ABCA6: variants seen among roughly 807,000 people sequenced by gnomAD.
The protein encoded by ABCA6 is ATP-binding cassette sub-family A member 6.
Under a neutral mutation model 191.2 loss-of-function variants are expected in ABCA6, and 164 were observed. The observed-to-expected ratio is 0.86, with a 90% CI of 0.76 to 0.98. The LOEUF (loss-of-function observed/expected upper bound fraction) is 0.98. ABCA6 is among the 50% of genes least tolerant of loss of function. The pLI is 0.00. For synonymous variants in ABCA6, 636 were observed against 647.7 expected, an observed-to-expected ratio of 0.98 and a Z score of 0.27; for missense variants, 1,958 against 1,894.1, an observed-to-expected ratio of 1.03 and a Z score of -0.63.
At chr17:69,088,517 C>G (rs1400366824) in intron 27 of ABCA6, among the ~76,000 whole-genome samples, 1 of 152,100 alleles carries the variant, frequency 6.6e-6, no homozygotes, top group Non-Finnish European at 1.5e-5. Flanking sequence ...TATTTCTCAC[C>G]CCTACTCATG....
rs1474329189 is a variant in ABCA6, at chr17:69,140,745, C to A, written c.-42G>T. Reference sequence around the variant, plus strand: ...AGGAGAAAGTAATCATGGTGGAACACAACCTAGAAAAAAATAAGTGTAATA... The same window carrying A: ...AGGAGAAAGTAATCATGGTGGAACAAAACCTAGAAAAAAATAAGTGTAATA... On this transcript the variant is annotated 5_prime_UTR_variant, in exon 2 of 39. Coordinates refer to ENST00000284425, the MANE Select transcript of ABCA6 (RefSeq NM_080284.3). The A allele has an allele frequency of 2.2e-6, 3 of 1,352,832 alleles. No individual in the cohort carries two copies. Among genetic ancestry groups the A allele is most frequent in the Admixed American group, 2.5e-5 (1 of 40,252 alleles). 83.8% of individuals were successfully genotyped at this position (1,352,832 alleles called of 1,614,324 possible).
At chr17:69,123,659 A>G (rs2073693904) in intron 9 of ABCA6, among the ~76,000 whole-genome samples, 1 of 151,990 alleles carries the variant, frequency 6.6e-6, no homozygotes, top group Non-Finnish European at 1.5e-5. Flanking sequence ...AATGTGATCA[A>G]AAAAAAGAAA....
At chr17:69,101,071 T>C (rs1468514) in intron 21 of ABCA6, 137 bp from the exon 22 acceptor site, 585,690 of 660,438 alleles carry the variant, frequency 0.89, 265,829 homozygotes, top group Non-Finnish European at 0.94. Context: ...TTCTGAGCTT[T>C]ACCTTCCTCA....
At chr17:69,140,471 T>C in intron 2 of ABCA6, 137 bp downstream of exon 2, 1 of 436,594 alleles carries the variant, frequency 2.3e-6, no homozygotes, top group South Asian at 8.0e-5. Flanking sequence ...GTCTCTCAAT[T>C]CAACAAATAC....
Position 69,137,379 on chromosome 17 carries a change from G to A in ABCA6, c.218C>T (p.Ser73Phe). Residue 73 changes from serine to phenylalanine, a missense_variant, in exon 3 of 39, where the codon TCT (serine) becomes TTT (phenylalanine). By Grantham distance (155) the Ser-to-Phe change is radical. Transcript: ENST00000284425. Reference protein sequence around the residue: ...NLGRVDKFNSSSLMVVYTPIS... With the variant: ...NLGRVDKFNSFSLMVVYTPIS... ...TGGTGTATACACAACCATTAAAGAA[G>A]AGCTATTAAATTTATCTACCCTTCC... The A allele has an allele frequency of 1.9e-6, 3 of 1,613,574 alleles. No individual in the cohort carries two copies. Among genetic ancestry groups the A allele is most frequent in the South Asian group, 1.1e-5 (1 of 91,072 alleles).
chr17:69,124,891 G>T lies in ABCA6; in HGVS notation c.1264C>A (p.Pro422Thr). The T allele has an allele frequency of 6.4e-7, 1 of 1,554,700 alleles. No individual in the cohort carries two copies. Among genetic ancestry groups the T allele is most frequent in the Non-Finnish European group, 8.7e-7 (1 of 1,151,334 alleles). The change falls in exon 9 of 39, where the codon CCC becomes ACC. Residue 422 changes from proline to threonine, a missense_variant. Physicochemically the swap from Pro to Thr is conservative, Grantham distance 38 (BLOSUM62 -1). Coordinates refer to ENST00000284425, the MANE Select transcript of ABCA6 (RefSeq NM_080284.3). ...AGAAAAACTCACTATTACTTACAGG[G>T]TAAAATTTTGTCAAAGTATAATGCC... ...LLALYFDKIL[P>T]YGDERHYSPL...
At chr17:69,109,757 G>T in intron 17 of ABCA6, 1 of 152,230 alleles carries the variant, frequency 6.6e-6, no homozygotes. Flanking sequence ...TCACTTAGTA[G>T]CCCTCTGGGA....
chr17:69,095,827 C>T (rs1328887374), intron 25 of ABCA6, among the ~76,000 whole-genome samples: 1 of 152,212 alleles, frequency 6.6e-6, no homozygotes, highest in Non-Finnish European at 1.5e-5. Flanking sequence ...TTTATACTAA[C>T]AAGTAACCTG....
intron 6 of ABCA6, among the ~76,000 whole-genome samples, chr17:69,132,870 A>ATG (rs1389953047): frequency 4.3e-5 from 4 of 92,346 alleles, no homozygotes; most frequent in Non-Finnish European, 1.1e-4. Context: ...ATATACATAC[A>ATG]TGAGTGTGTG....
At chr17:69,089,742 C>A (rs909303914) in intron 26 of ABCA6, among the ~76,000 whole-genome samples, 200 bp from the exon 27 acceptor site, 1 of 152,120 alleles carries the variant, frequency 6.6e-6, no homozygotes, top group Non-Finnish European at 1.5e-5. Flanking sequence ...AAGCAAGTAA[C>A]CTATGTCTGT....
At chr17:69,114,321 A>G (rs1171473690) in intron 13 of ABCA6, among the ~76,000 whole-genome samples, 3 of 149,544 alleles carry the variant, frequency 2.0e-5, no homozygotes, top group Non-Finnish European at 3.0e-5. Context: ...AGGACAAAAA[A>G]CCAAACACCG....
At chr17:69,134,433 C>A (rs957551388) in intron 5 of ABCA6, among the ~76,000 whole-genome samples, 2 of 152,140 alleles carry the variant, frequency 1.3e-5, no homozygotes, top group Non-Finnish European at 2.9e-5. Flanking sequence ...AGGAATGGAC[C>A]TTTACCAGTC....
At chr17:69,103,008 G>T in intron 20 of ABCA6, 40 bp from the exon 21 acceptor site, 1 of 1,255,368 alleles carries the variant, frequency 8.0e-7, no homozygotes, top group Non-Finnish European at 1.1e-6. Context: ...AGAAAAGTAA[G>T]AAAATACATA....
In ABCA6 at chr17:69,110,794, G is replaced by A. The variant is rs761565203; in HGVS notation, c.2272+7C>T. ...ATTTCATTTCATTGTAATCATAGTT[G>A]AGTTACCTGGAAATGTATTTGTCCT... On this transcript the variant is annotated splice_region_variant and intron_variant, in intron 17 of 38. Coordinates refer to ENST00000284425, the MANE Select transcript of ABCA6 (RefSeq NM_080284.3). 3.1e-6 allele frequency: 5 copies of A among 1,598,524 alleles called. No individual in the cohort carries two copies. The highest frequency in any genetic ancestry group is 1.7e-4 in the Middle Eastern group (1 of 5,946).
rs746376913 is a variant in ABCA6, at chr17:69,085,669, A to G, written c.3985T>C (p.Ser1329Pro). The G allele has an allele frequency of 2.5e-5, 40 of 1,612,546 alleles. No homozygotes were observed. The highest frequency in any genetic ancestry group is 1.6e-4 in the Middle Eastern group (1 of 6,074). ...GTGATCCCAGATATCATTCTAATAGATGAACTTTTTCCAGCACCATTGGGT... is the reference window on the plus strand; with the variant it reads ...GTGATCCCAGATATCATTCTAATAGGTGAACTTTTTCCAGCACCATTGGGT... ...LGPNGAGKSS[S>P]IRMISGITKP... is the part of the protein sequence containing the mutation. Residue 1329 changes from serine (S) to proline (P), a missense_variant, in exon 31 of 39, where the codon TCT (serine) becomes CCT (proline). Physicochemically the swap from Ser to Pro is moderately conservative, Grantham distance 74 (BLOSUM62 -1). Coordinates refer to ENST00000284425, the MANE Select transcript of ABCA6 (RefSeq NM_080284.3).
At chr17:69,120,388 A>G (rs939321682) in intron 10 of ABCA6, among the ~76,000 whole-genome samples, 1 of 152,034 alleles carries the variant, frequency 6.6e-6, no homozygotes, top group Admixed American at 6.6e-5. Context: ...TCCCTAAACT[A>G]GGGTAGTTAA....
Position 69,134,739 on chromosome 17 carries a change from T to C in ABCA6, c.464A>G (p.His155Arg). Reference sequence around the variant, plus strand: ...AAACTCACCATATCCATCCCAGCAATGAGCTGTAAGCACAAAGAAAAGCAC... The same window carrying C: ...AAACTCACCATATCCATCCCAGCAACGAGCTGTAAGCACAAAGAAAAGCAC... Reference protein sequence around the residue: ...SPLWKEDFSAHCWDGYGEFSC... With the variant: ...SPLWKEDFSARCWDGYGEFSC... The change falls in exon 5 of 39, where the codon CAT becomes CGT. Residue 155 changes from histidine (H) to arginine (R), a missense_variant. Coordinates refer to ENST00000284425, the MANE Select transcript of ABCA6 (RefSeq NM_080284.3). The C allele has an allele frequency of 1.2e-6, 2 of 1,610,102 alleles. No individual in the cohort carries two copies. Among genetic ancestry groups the C allele is most frequent in the Non-Finnish European group, 1.7e-6 (2 of 1,176,982 alleles).
Position 69,123,347 on chromosome 17 carries a change from T to C in ABCA6, c.1328A>G (p.His443Arg). 1.9e-6 allele frequency: 3 copies of C among 1,565,382 alleles called. No homozygotes were observed. Among genetic ancestry groups the C allele is most frequent in the Non-Finnish European group, 2.6e-6 (3 of 1,149,650 alleles). The change falls in exon 10 of 39, where the codon CAC becomes CGC. Residue 443 changes from histidine to arginine, a missense_variant. His to Arg is a conservative substitution (Grantham distance 29, BLOSUM62 0). Transcript: ENST00000284425. ...FFLNSSSCFQHQRTNAKVIEK... is the reference protein window; with the variant it reads ...FFLNSSSCFQRQRTNAKVIEK... ...AATAACCTTAGCATTAGTCCTTTGG[T>C]GTTGGAAACAAGATGATGAATTCAA...
At chr17:69,081,889 C>T (rs979568002) in intron 36 of ABCA6, among the ~76,000 whole-genome samples, 1 of 152,168 alleles carries the variant, frequency 6.6e-6, no homozygotes, top group Non-Finnish European at 1.5e-5. Context: ...CAAAATACTT[C>T]CTGACCTCTA....
Sources: gnomAD v4.1 joint callset for allele counts (sites outside exome capture counted in the v4.1 genomes callset) on GRCh38, gnomAD v4.1.1 for gene constraint, MANE v1.5 for transcripts, NCBI Gene and HGNC (gene_info 2026-07-23, HGNC 2026-07-21) for gene names.